Variants in CNTNAP2 observed in about 807,000 individuals in gnomAD.
The protein encoded by CNTNAP2 is contactin associated protein 2, also known as contactin-associated protein-like 2.
CNTNAP2 carries 98 observed loss-of-function variants against 155.2 expected under a neutral mutation model. That is an observed-to-expected ratio of 0.63 (90% CI 0.54 to 0.75). CNTNAP2 has a LOEUF of 0.75. CNTNAP2 is among the 30% of genes least tolerant of loss of function. The pLI is 0.00. For synonymous variants in CNTNAP2, 651 were observed against 631.2 expected (o/e 1.03, Z -0.47); for missense variants, 1,727 against 1,688.1 (o/e 1.02, Z -0.40).
chr7:147,026,310 C>G (rs1798918239), intron 3 of CNTNAP2, among the ~76,000 whole-genome samples: 1 of 152,104 alleles, frequency 6.6e-6, no homozygotes, highest in South Asian at 2.1e-4. Flanking sequence ...AAAGAAATGA[C>G]AGTAGAATAC....
At chr7:147,339,036 A>G (rs1467431211) in intron 9 of CNTNAP2, among the ~76,000 whole-genome samples, 1 of 152,186 alleles carries the variant, frequency 6.6e-6, no homozygotes, top group Non-Finnish European at 1.5e-5. Flanking sequence ...GCTGCCTTAC[A>G]AGAAATACAA....
At chr7:146,388,048 A>G (rs1031515605) in intron 1 of CNTNAP2, among the ~76,000 whole-genome samples, 3 of 149,950 alleles carry the variant, frequency 2.0e-5, no homozygotes, top group Non-Finnish European at 4.5e-5. Flanking sequence ...TGAATTTTCT[A>G]AAAGCTTTTG....
At chr7:147,877,446 A>G (rs1799440913) in intron 13 of CNTNAP2, among the ~76,000 whole-genome samples, 1 of 152,242 alleles carries the variant, frequency 6.6e-6, no homozygotes, top group Admixed American at 6.5e-5. Context: ...AAAAGAACAT[A>G]AAAGAACTAG....
intron 14 of CNTNAP2, among the ~76,000 whole-genome samples, chr7:147,932,857 C>T (rs538869521): frequency 9.4e-4 from 143 of 152,194 alleles, no homozygotes; most frequent in African/African-American, 3.4e-3. Context: ...ACTCCTCCAA[C>T]TTAAGAGTAA....
At chr7:146,172,539 CTTG>C (rs1798410731) in intron 1 of CNTNAP2, among the ~76,000 whole-genome samples, 1 of 151,982 alleles carries the variant, frequency 6.6e-6, no homozygotes, top group Non-Finnish European at 1.5e-5. Flanking sequence ...TCTCCTCTTT[CTTG>C]TTTTCATTTC....
chr7:147,580,015 C>A (rs1800468686), intron 12 of CNTNAP2, among the ~76,000 whole-genome samples: 1 of 152,110 alleles, frequency 6.6e-6, no homozygotes, highest in Non-Finnish European at 1.5e-5. Flanking sequence ...TTCAGCATAA[C>A]TTTATTTTAA....
intron 2 of CNTNAP2, among the ~76,000 whole-genome samples, chr7:146,796,096 A>G (rs1196760083): frequency 6.6e-6 from 1 of 152,220 alleles, no homozygotes; most frequent in Non-Finnish European, 1.5e-5. Context: ...TTAACAGTAT[A>G]TACTTTAGGA....
In CNTNAP2 at chr7:146,561,479, A is replaced by G. The variant is rs537727269; in HGVS notation, c.98-212792A>G. On this transcript the variant is annotated intron_variant, in intron 1 of 23. Transcript: ENST00000361727. ...AGACCAGCCTAGGCAACATAATGAG[A>G]CCCTGTCTCTCCATTTTTTAGAAAA... is the stretch of plus-strand genomic sequence containing the variant. 7.8e-4 allele frequency among the ~76,000 whole-genome samples: 116 copies of G among 149,442 alleles called. 1 individual carries two copies. The highest frequency in any genetic ancestry group is 2.8e-3 in the African/African-American group (113 of 40,520).
At chr7:147,904,725 A>G (rs1437153432) in intron 14 of CNTNAP2, among the ~76,000 whole-genome samples, 3 of 152,242 alleles carry the variant, frequency 2.0e-5, no homozygotes, top group Non-Finnish European at 4.4e-5. Flanking sequence ...TCTGAAAGTT[A>G]TATTTCTTCT....
chr7:148,379,017 C>T lies in CNTNAP2; in HGVS notation c.3476-4632C>T, dbSNP rs1798996113. On this transcript the variant is annotated intron_variant, in intron 21 of 23. Coordinates refer to ENST00000361727, the MANE Select transcript of CNTNAP2 (RefSeq NM_014141.6). ...GGGGCCAGTTGTACTACAGTCTCTGCAGAGCAACCATATGCTGTGTCAGGG... is the reference window on the plus strand; with the variant it reads ...GGGGCCAGTTGTACTACAGTCTCTGTAGAGCAACCATATGCTGTGTCAGGG... Among the ~76,000 whole-genome samples, 5 of 67,046 alleles carry T rather than the reference C, an allele frequency of 7.5e-5. 2 individuals carry two copies. The highest frequency in any genetic ancestry group is 1.8e-4 in the African/African-American group (5 of 27,310). The allele number at this position is 67,046 out of a possible 152,430, so 44.0% of individuals were successfully genotyped here.
At chr7:146,856,890 G>A (rs1795001021) in intron 3 of CNTNAP2, among the ~76,000 whole-genome samples, 1 of 152,076 alleles carries the variant, frequency 6.6e-6, no homozygotes, top group Admixed American at 6.6e-5. Flanking sequence ...AAAGGCTAAG[G>A]AGTTATTCTA....
chr7:146,606,571 T>C (rs1799051711), intron 1 of CNTNAP2, among the ~76,000 whole-genome samples: 1 of 152,218 alleles, frequency 6.6e-6, no homozygotes, highest in African/African-American at 2.4e-5. Context: ...TAACATTCAT[T>C]TTTATGTTTT....
intron 1 of CNTNAP2, among the ~76,000 whole-genome samples, chr7:146,506,561 T>C (rs1334309327): frequency 6.6e-6 from 1 of 152,228 alleles, no homozygotes; most frequent in Non-Finnish European, 1.5e-5. Context: ...GCACATGTCC[T>C]GACACATGAT....
chr7:146,848,214 A>C (rs1237433557), intron 3 of CNTNAP2, among the ~76,000 whole-genome samples: 3 of 152,156 alleles, frequency 2.0e-5, no homozygotes, highest in African/African-American at 7.2e-5. Context: ...TCCAAGATAG[A>C]GTGTGTTGCT....
rs17170623 is a variant in CNTNAP2, at chr7:147,614,738, T to C, written c.1898-24368T>C. Reference sequence around the variant, plus strand: ...AAAAAAGATTCTAATATTTTGTGACTAATTCTTTGAACCTTCTATTATAAT... The same window carrying C: ...AAAAAAGATTCTAATATTTTGTGACCAATTCTTTGAACCTTCTATTATAAT... On this transcript the variant is annotated intron_variant, in intron 12 of 23. Transcript: ENST00000361727. Among the ~76,000 whole-genome samples, 701 of 152,034 alleles carry C rather than the reference T, an allele frequency of 4.6e-3. 6 individuals carry two copies. Among genetic ancestry groups the C allele is most frequent in the Admixed American group, 6.2e-3 (95 of 15,268 alleles).
At chr7:146,338,861 A>G (rs1307220714) in intron 1 of CNTNAP2, among the ~76,000 whole-genome samples, 1 of 151,496 alleles carries the variant, frequency 6.6e-6, no homozygotes, top group Non-Finnish European at 1.5e-5. Flanking sequence ...CAAAATCTAT[A>G]TTAGATACAG....
chr7:146,832,916 G>A (rs768280256), intron 2 of CNTNAP2, among the ~76,000 whole-genome samples: 12 of 151,854 alleles, frequency 7.9e-5, no homozygotes, highest in Non-Finnish European at 1.3e-4. Flanking sequence ...GGCTGATCTC[G>A]AACTCTTGAC....
intron 3 of CNTNAP2, among the ~76,000 whole-genome samples, chr7:147,007,851 A>AT (rs1798552592): frequency 2.0e-5 from 3 of 152,168 alleles, no homozygotes; most frequent in Admixed American, 6.5e-5. Context: ...TTACAAAAAA[A>AT]ATACTTATTT....
At chr7:147,295,237 G>A (rs781507853) in intron 8 of CNTNAP2, among the ~76,000 whole-genome samples, 15 of 151,046 alleles carry the variant, frequency 9.9e-5, no homozygotes, top group African/African-American at 2.2e-4. Flanking sequence ...GTGTGTGTGC[G>A]CATGCGTGTG....
Sources: allele counts gnomAD v4.1 joint callset (sites outside exome capture counted in the v4.1 genomes callset), GRCh38; gene constraint gnomAD v4.1.1; transcripts MANE v1.5; gene names NCBI Gene and HGNC (gene_info 2026-07-23, HGNC 2026-07-21).